Variants in SNX29 observed in about 807,000 individuals in gnomAD.
SNX29 encodes sorting nexin-29.
A neutral mutation model predicts 102.1 loss-of-function variants in SNX29; 78 were observed. That is an observed-to-expected ratio of 0.76 (90% confidence interval 0.64 to 0.92). The LOEUF (loss-of-function observed/expected upper bound fraction) is 0.92. Ranked by LOEUF, SNX29 falls within the 40% of genes least tolerant of loss-of-function variation. The pLI, the probability that SNX29 is intolerant of heterozygous loss-of-function variation, is 0.00. For synonymous variants in SNX29, 580 were observed against 414.5 expected (o/e 1.40, Z -4.85); for missense variants, 1,280 against 1,061.7 (o/e 1.21, Z -2.86).
chr16:12,421,104 C>G (rs564009083), intron 18 of SNX29, among the ~76,000 whole-genome samples: 2 of 152,176 alleles, frequency 1.3e-5, no homozygotes, highest in Non-Finnish European at 2.9e-5. Flanking sequence ...GGTTAAGTGC[C>G]TTGCCTAAGG....
chr16:12,109,475 C>T lies in SNX29; in HGVS notation c.1403-17158C>T, dbSNP rs75974754. Among the ~76,000 whole-genome samples, 1,138 of 152,330 alleles carry T rather than the reference C, an allele frequency of 7.5e-3. 11 individuals carry two copies. The highest frequency in any genetic ancestry group is 0.026 in the African/African-American group (1,095 of 41,572). On this transcript the variant is annotated intron_variant, in intron 11 of 20. Transcript: ENST00000566228. Reference sequence around the variant, plus strand: ...GTCACCTCTTAAAGGCCCCACGTCTCAGTACTGCTACTGGGGCTTAAATTT... The same window carrying T: ...GTCACCTCTTAAAGGCCCCACGTCTTAGTACTGCTACTGGGGCTTAAATTT...
Position 12,329,447 on chromosome 16 carries a change from C to T in SNX29, c.1783-26716C>T, listed in dbSNP as rs371533473. ...GCTGGCTTACTGGGTTTTGTCATCC[C>T]AGCCACTTGCATGGTGCCTGGCACA... On this transcript the variant is annotated intron_variant, in intron 15 of 20. Coordinates refer to ENST00000566228, the MANE Select transcript of SNX29 (RefSeq NM_032167.5). Among the ~76,000 whole-genome samples the T allele has an allele frequency of 2.0e-5, 3 of 152,112 alleles. No individual in the cohort carries two copies. In the East Asian group the frequency reaches 5.8e-4, roughly 29 times the overall value.
intron 13 of SNX29, among the ~76,000 whole-genome samples, chr16:12,162,294 C>T (rs917460129): frequency 7.9e-5 from 12 of 152,192 alleles, no homozygotes; most frequent in Non-Finnish European, 1.3e-4. Context: ...TAGTACCATG[C>T]GTCATTTTCT....
At chr16:12,211,554 AG>A in intron 14 of SNX29, among the ~76,000 whole-genome samples, 1 of 151,994 alleles carries the variant, frequency 6.6e-6, no homozygotes, top group Admixed American at 6.6e-5. Context: ...GTGGACCAAT[AG>A]GGGTGTGTGT....
At chr16:12,447,931 A>G (rs1157282294) in intron 18 of SNX29, among the ~76,000 whole-genome samples, 1 of 152,146 alleles carries the variant, frequency 6.6e-6, no homozygotes, top group Non-Finnish European at 1.5e-5. Context: ...AATGGGATAA[A>G]AACCTCCCCC....
intron 16 of SNX29, among the ~76,000 whole-genome samples, chr16:12,356,815 A>G (rs2082149079): frequency 6.6e-6 from 1 of 152,262 alleles, no homozygotes; most frequent in South Asian, 2.1e-4. Context: ...GATGTCTAGC[A>G]GCGTCCCTGG....
rs539367211 is a variant in SNX29 at position 12,556,963 on chromosome 16, T to C, written c.2319-11543T>C. 1.0e-3 allele frequency among the ~76,000 whole-genome samples: 145 copies of C among 144,996 alleles called. No homozygotes were observed. In the South Asian group the frequency reaches 0.017, roughly 17 times the overall value. On this transcript the variant is annotated intron_variant, in intron 20 of 20. Coordinates refer to ENST00000566228, the MANE Select transcript of SNX29 (RefSeq NM_032167.5). ...TGCCGCTCAGGCTCAGTCTTCCCAC[T>C]TCTGCCTCATGAGTAGCTGGACAAC...
intron 16 of SNX29, among the ~76,000 whole-genome samples, chr16:12,393,964 G>A (rs1165264116): frequency 4.6e-5 from 7 of 152,236 alleles, no homozygotes; most frequent in Non-Finnish European, 1.0e-4. Context: ...CCCAGGATTA[G>A]AACTCAAAAC....
chr16:12,010,287 T>C (rs576315094), intron 3 of SNX29, among the ~76,000 whole-genome samples: 20 of 152,268 alleles, frequency 1.3e-4, no homozygotes, highest in Non-Finnish European at 2.4e-4. Context: ...GCCATATGGG[T>C]GGCAGTGAGT....
intron 16 of SNX29, among the ~76,000 whole-genome samples, chr16:12,383,041 G>T (rs571476463): frequency 6.6e-6 from 1 of 152,064 alleles, no homozygotes; most frequent in Non-Finnish European, 1.5e-5. Flanking sequence ...GACACCGTTC[G>T]ACCTACTACA....
At chr16:12,455,069 A>T (rs1023869018) in intron 18 of SNX29, among the ~76,000 whole-genome samples, 1 of 152,020 alleles carries the variant, frequency 6.6e-6, no homozygotes, top group Non-Finnish European at 1.5e-5. Context: ...TTTAATTTAC[A>T]CTTGGGAACC....
Position 12,444,147 on chromosome 16 carries a change from A to G in SNX29, c.2038-33572A>G, listed in dbSNP as rs540729261. 8.5e-5 allele frequency among the ~76,000 whole-genome samples: 13 copies of G among 152,246 alleles called. No individual in the cohort carries two copies. The East Asian group carries it at 9.7e-4, about 11-fold the overall frequency. ...GTATAGCACCTAGCACGTAGTAAGC[A>G]CTCAGTATAGCACCTAGCATGTAAT... On this transcript the variant is annotated intron_variant, in intron 18 of 20. Transcript: ENST00000566228.
At chr16:12,057,044 C>A (rs2050550211) in intron 8 of SNX29, among the ~76,000 whole-genome samples, 1 of 151,996 alleles carries the variant, frequency 6.6e-6, no homozygotes, top group Admixed American at 6.6e-5. Flanking sequence ...GATTTCCTGG[C>A]CTGAAGTGAT....
intron 20 of SNX29, among the ~76,000 whole-genome samples, chr16:12,557,874 A>T (rs1197128603): frequency 1.3e-5 from 2 of 152,170 alleles, no homozygotes; most frequent in Non-Finnish European, 2.9e-5. Flanking sequence ...CAGCGAGTGG[A>T]GGAGGGCCTC....
intron 18 of SNX29, among the ~76,000 whole-genome samples, chr16:12,422,750 A>G (rs1370608610): frequency 6.6e-6 from 1 of 152,192 alleles, no homozygotes; most frequent in Non-Finnish European, 1.5e-5. Context: ...CCAGCCCCTG[A>G]GAAGAGGCCT....
chr16:12,409,533 A>G (rs2084310900), intron 18 of SNX29, among the ~76,000 whole-genome samples: 1 of 143,196 alleles, frequency 7.0e-6, no homozygotes, highest in Admixed American at 7.5e-5. Flanking sequence ...GGTTCATGCC[A>G]TTCTCCTGCC....
At chr16:12,218,966 G>C (rs1433823442) in intron 14 of SNX29, among the ~76,000 whole-genome samples, 1 of 152,060 alleles carries the variant, frequency 6.6e-6, no homozygotes, top group East Asian at 1.9e-4. Context: ...AGTAGAGACG[G>C]GGTTTCACTG....
intron 18 of SNX29, among the ~76,000 whole-genome samples, chr16:12,409,744 C>T (rs1468962226): frequency 6.6e-6 from 1 of 152,162 alleles, no homozygotes; most frequent in African/African-American, 2.4e-5. Context: ...TCAACTATTA[C>T]AGCCATCAGA....
chr16:12,086,931 C>G (rs932625837), intron 11 of SNX29: 1 of 152,018 alleles, frequency 6.6e-6, no homozygotes, highest in Non-Finnish European at 1.5e-5. Context: ...GACACAGATG[C>G]AGAGCAGTTG....
Sources: gnomAD v4.1 joint callset for allele counts (sites outside exome capture counted in the v4.1 genomes callset) on GRCh38, gnomAD v4.1.1 for gene constraint, MANE v1.5 for transcripts, NCBI Gene and HGNC (gene_info 2026-07-23, HGNC 2026-07-21) for gene names.